The following MTRF1 variants were observed in gnomAD, a reference collection of about 807,000 sequenced individuals.
The protein encoded by MTRF1 is peptide chain release factor 1, mitochondrial.
In MTRF1, 51 loss-of-function variants were observed where a neutral mutation model predicts 62.9. The observed-to-expected ratio is 0.81, with a 90% CI of 0.65 to 1.02. MTRF1 has a LOEUF of 1.02. Among genes scored for constraint, MTRF1 ranks in the 50% least tolerant of loss-of-function variants. The pLI, the probability that MTRF1 is intolerant of heterozygous loss-of-function variation, is 0.00. For missense variants in MTRF1, 446 were observed against 530.0 expected, an observed-to-expected ratio of 0.84 and a Z score of 1.56; for synonymous variants, 158 against 181.9, an observed-to-expected ratio of 0.87 and a Z score of 1.06.
chr13:41,266,824 C>G (rs2040844672), upstream of MTRF1, among the ~76,000 whole-genome samples: 1 of 151,758 alleles, frequency 6.6e-6, no homozygotes, highest in Non-Finnish European at 1.5e-5. Context: ...AACCCCATCT[C>G]TTCTAAAAAA....
the MTRF1 span, among the ~76,000 whole-genome samples, chr13:41,292,843 G>A: frequency 2.2e-4 from 33 of 152,092 alleles, no homozygotes; most frequent in Non-Finnish European, 3.8e-4. Context: ...GGCTGAGGTG[G>A]GAGGACTGGT....
At chr13:41,275,913 G>T in the MTRF1 span, among the ~76,000 whole-genome samples, 1 of 152,062 alleles carries the variant, frequency 6.6e-6, no homozygotes, top group Non-Finnish European at 1.5e-5. Flanking sequence ...TCCTAAATGG[G>T]AAAAGGGTTA....
At chr13:41,254,991 G>A (rs1391271517) in intron 2 of MTRF1, among the ~76,000 whole-genome samples, 6 of 152,032 alleles carry the variant, frequency 3.9e-5, no homozygotes, top group Non-Finnish European at 7.4e-5. Context: ...ATAAATTGGT[G>A]ATTAATCAAA....
intron 8 of MTRF1, among the ~76,000 whole-genome samples, chr13:41,225,365 A>T (rs986298665): frequency 4.6e-5 from 7 of 152,144 alleles, no homozygotes; most frequent in African/African-American, 1.7e-4. Flanking sequence ...TACCCAGGGT[A>T]TATTGTTTGC....
rs375318709 is a variant in MTRF1 at position 41,252,726 on chromosome 13, C to A, written c.616G>T (p.Glu206Ter). ...GGDICQQFTR[E>*]IFDMYQNYSC... ...TAATTCTGGTACATGTCAAATATTTCTCGGGTAAATTGTTGGCAGATGTCA... is the reference window on the plus strand; with the variant it reads ...TAATTCTGGTACATGTCAAATATTTATCGGGTAAATTGTTGGCAGATGTCA... Residue 206 changes from glutamate to a stop codon, truncating the protein, a stop_gained, in exon 5 of 10, where the codon GAA (glutamate) becomes TAA (stop). Transcript: ENST00000379480. LOFTEE classifies it high-confidence loss of function. 24 of 1,613,346 alleles carry A rather than the reference C, an allele frequency of 1.5e-5. No individual in the cohort carries two copies. The highest frequency in any genetic ancestry group is 1.9e-5 in the Non-Finnish European group (23 of 1,179,786).
chr13:41,273,004 A>G, the MTRF1 span, among the ~76,000 whole-genome samples: 2 of 152,110 alleles, frequency 1.3e-5, no homozygotes, highest in Non-Finnish European at 2.9e-5. Flanking sequence ...TGCTGTTACC[A>G]AGCACCAACA....
chr13:41,299,663 T>G, the MTRF1 span, among the ~76,000 whole-genome samples: 1 of 152,182 alleles, frequency 6.6e-6, no homozygotes, highest in Admixed American at 6.5e-5. Flanking sequence ...AGGAAGAATT[T>G]CGATCACTCA....
chr13:41,233,409 A>C (rs2035941633), intron 7 of MTRF1, among the ~76,000 whole-genome samples: 2 of 152,210 alleles, frequency 1.3e-5, no homozygotes, highest in African/African-American at 4.8e-5. Flanking sequence ...AAAATTAAGG[A>C]GTTAAATAAA....
chr13:41,287,250 G>C, the MTRF1 span, among the ~76,000 whole-genome samples: 2 of 152,210 alleles, frequency 1.3e-5, no homozygotes, highest in Non-Finnish European at 2.9e-5. Context: ...GCCTCAGGGA[G>C]CTTTCATTCA....
At chr13:41,287,878 C>T in the MTRF1 span, 1 of 375,974 alleles carries the variant, frequency 2.7e-6, no homozygotes, top group Non-Finnish European at 5.2e-6. Flanking sequence ...GCGCCAATCT[C>T]CTTATTCCTG....
At chr13:41,257,215 A>G (rs913900054) in intron 2 of MTRF1, among the ~76,000 whole-genome samples, 2 of 152,206 alleles carry the variant, frequency 1.3e-5, no homozygotes, top group Admixed American at 6.5e-5. Flanking sequence ...GCTGGGGTTA[A>G]TCTGCAGGGG....
chr13:41,301,669 A>G, the MTRF1 span, among the ~76,000 whole-genome samples: 2 of 151,708 alleles, frequency 1.3e-5, no homozygotes, highest in East Asian at 3.9e-4. Context: ...AATCACTTGA[A>G]CCCAGGAGGT....
At chr13:41,219,942 G>A (rs1429525931) in intron 9 of MTRF1, among the ~76,000 whole-genome samples, 2 of 143,894 alleles carry the variant, frequency 1.4e-5, no homozygotes, top group African/African-American at 5.1e-5. Flanking sequence ...AGGTTGTAGC[G>A]AGCTGAGATC....
At chr13:41,233,381 T>C (rs1319064113) in intron 7 of MTRF1, among the ~76,000 whole-genome samples, 1 of 152,140 alleles carries the variant, frequency 6.6e-6, no homozygotes, top group African/African-American at 2.4e-5. Flanking sequence ...ATACATGAAA[T>C]GTAAAAATTA....
chr13:41,229,537 T>G (rs1189689399), intron 7 of MTRF1: 1 of 151,474 alleles, frequency 6.6e-6, no homozygotes. Flanking sequence ...CTACTCTCTG[T>G]AAGTCACTTT....
intron 7 of MTRF1, among the ~76,000 whole-genome samples, chr13:41,227,019 A>T (rs946669233): frequency 1.3e-5 from 2 of 152,180 alleles, no homozygotes; most frequent in African/African-American, 4.8e-5. Flanking sequence ...GGCTGGGCGC[A>T]GTGGCTCACA....
intron 5 of MTRF1, 117 bp downstream of exon 5, chr13:41,252,528 G>T: frequency 1.4e-6 from 1 of 691,912 alleles, no homozygotes; most frequent in Non-Finnish European, 2.4e-6. Context: ...ATGCCACAGT[G>T]TTTAGTAGAT....
intron 9 of MTRF1, among the ~76,000 whole-genome samples, chr13:41,221,881 C>T (rs1008492230): frequency 5.3e-5 from 8 of 152,168 alleles, no homozygotes; most frequent in African/African-American, 1.9e-4. Context: ...TGGCCAAACA[C>T]GTTTCGTTAA....
chr13:41,255,490 G>A (rs778871203), intron 2 of MTRF1, among the ~76,000 whole-genome samples: 1 of 152,102 alleles, frequency 6.6e-6, no homozygotes, highest in Non-Finnish European at 1.5e-5. Flanking sequence ...TCAGAAGTTC[G>A]AGACCAGCCT....
Sources: gnomAD v4.1 joint callset for allele counts (sites outside exome capture counted in the v4.1 genomes callset) on GRCh38, gnomAD v4.1.1 for gene constraint, MANE v1.5 for transcripts, NCBI Gene and HGNC (gene_info 2026-07-23, HGNC 2026-07-21) for gene names.